Variants in ATP9A observed in about 807,000 individuals in gnomAD.
ATP9A encodes the protein ATPase phospholipid transporting 9A.
A neutral mutation model predicts 144.1 loss-of-function variants in ATP9A; 52 were observed. The observed-to-expected ratio is 0.36, with a 90% CI of 0.29 to 0.45. The LOEUF (loss-of-function observed/expected upper bound fraction) is 0.45. Ranked by LOEUF, ATP9A falls within the 20% of genes least tolerant of loss-of-function variation. The probability of loss-of-function intolerance (pLI) is 1.00; values close to 1 mark genes in which losing one functional copy is unlikely to be tolerated. For missense variants in ATP9A, 947 were observed against 1,392.7 expected (o/e 0.68, Z 5.09); for synonymous variants, 582 against 557.4 (o/e 1.04, Z -0.62).
chr20:51,602,334 C>T (rs56707658), intron 27 of ATP9A, among the ~76,000 whole-genome samples: 2,650 of 152,306 alleles, frequency 0.017, 80 homozygotes, highest in African/African-American at 0.061. Context: ...GCCACTGAGG[C>T]AGCACCTACT....
intron 14 of ATP9A, among the ~76,000 whole-genome samples, chr20:51,645,934 T>C (rs2077340607): frequency 1.3e-5 from 2 of 152,128 alleles, no homozygotes; most frequent in South Asian, 4.1e-4. Flanking sequence ...ACAGCCTGAG[T>C]TAGGGTCTCA....
chr20:51,660,583 T>G (rs530594918), intron 13 of ATP9A, among the ~76,000 whole-genome samples: 87 of 152,354 alleles, frequency 5.7e-4, no homozygotes, highest in African/African-American at 2.0e-3. Flanking sequence ...CCACCTTTCC[T>G]ACTAAAATGT....
chr20:51,669,576 A>G (rs1467437170), intron 13 of ATP9A, among the ~76,000 whole-genome samples: 2 of 152,198 alleles, frequency 1.3e-5, no homozygotes, highest in African/African-American at 4.8e-5. Context: ...CGTGGTCGTA[A>G]ACTTGAAGTA....
intron 1 of ATP9A, among the ~76,000 whole-genome samples, chr20:51,732,019 C>T (rs543950176): frequency 5.9e-5 from 9 of 152,184 alleles, no homozygotes; most frequent in Admixed American, 2.0e-4. Flanking sequence ...CACCAGCTGT[C>T]GGCAGAACGA....
chr20:51,728,480 T>C (rs2122871982), intron 2 of ATP9A, among the ~76,000 whole-genome samples: 1 of 151,930 alleles, frequency 6.6e-6, no homozygotes, highest in East Asian at 1.9e-4. Context: ...TACAAAAAAT[T>C]AGCCGGGCGT....
At chr20:51,657,273 A>AT (rs1707022617) in intron 13 of ATP9A, 123 bp from the exon 14 acceptor site, 1 of 691,956 alleles carries the variant, frequency 1.4e-6, no homozygotes, top group South Asian at 2.1e-5. Flanking sequence ...ACCCTTAGAT[A>AT]TATCTACAAT....
intron 11 of ATP9A, among the ~76,000 whole-genome samples, chr20:51,673,677 T>C (rs1405782176): frequency 1.3e-5 from 2 of 152,136 alleles, no homozygotes; most frequent in African/African-American, 4.8e-5. Flanking sequence ...AGGAATGTGA[T>C]CTTCTGGTGC....
intron 4 of ATP9A, among the ~76,000 whole-genome samples, chr20:51,708,369 C>T (rs1036219273): frequency 2.6e-5 from 4 of 151,560 alleles, no homozygotes; most frequent in African/African-American, 9.7e-5. Flanking sequence ...AAAGCAACAA[C>T]AATAAAAAAA....
At chr20:51,683,502 TC>T (rs2077509474) in intron 9 of ATP9A, among the ~76,000 whole-genome samples, 1 of 152,102 alleles carries the variant, frequency 6.6e-6, no homozygotes, top group African/African-American at 2.4e-5. Context: ...CAGGATGGTC[TC>T]GATCTCCTGA....
chr20:51,731,706 G>A (rs1386788652), intron 1 of ATP9A, among the ~76,000 whole-genome samples: 3 of 149,832 alleles, frequency 2.0e-5, no homozygotes, highest in Admixed American at 6.6e-5. Context: ...GTGACAGAGG[G>A]AGACTCCATC....
rs1159886616 is a variant in ATP9A at position 51,613,670 on chromosome 20, C to T, written c.2571+7G>A. On this transcript the variant is annotated splice_region_variant and intron_variant, in intron 23 of 27. Transcript: ENST00000338821. ...CACATGTGCAGAGGGGCCAGCTGTC[C>T]ACTCACCTGCATGGTGCTGATACAG... is the stretch of plus-strand genomic sequence containing the variant. The T allele has an allele frequency of 1.2e-6, 2 of 1,611,568 alleles. No homozygotes were observed. Among genetic ancestry groups the T allele is most frequent in the Non-Finnish European group, 1.7e-6 (2 of 1,178,600 alleles).
In ATP9A at chr20:51,601,223, C is replaced by T. The variant is rs374214355; in HGVS notation, c.3132G>A (p.Lys1044=). ...GCGAACGCACGGCCTATGATGTGAG[C>T]TTTGAGTAGCTGGGGGGAGAGAACC... ...RRRFSPPSYS[K]LTS Residue 1044 remains lysine (K), a synonymous_variant, in exon 28 of 28, where the codon AAG becomes AAA. Coordinates refer to ENST00000338821, the MANE Select transcript of ATP9A (RefSeq NM_006045.3). 6.2e-7 allele frequency: 1 copy of T among 1,612,584 alleles called. No individual in the cohort carries two copies. Among genetic ancestry groups the T allele is most frequent in the Non-Finnish European group, 8.5e-7 (1 of 1,179,210 alleles).
chr20:51,608,415 G>T, intron 25 of ATP9A, 103 bp downstream of exon 25: 1 of 788,910 alleles, frequency 1.3e-6, no homozygotes, highest in Non-Finnish European at 2.2e-6. Context: ...AGAATTGGAG[G>T]GTCTGTGTGA....
chr20:51,676,917 CTTTTTTTTTTTTTTT>C (rs34062000), intron 9 of ATP9A, among the ~76,000 whole-genome samples: 2 of 68,390 alleles, frequency 2.9e-5, no homozygotes, highest in East Asian at 5.8e-4. Context: ...CGCCCAGTCT[CTTTTTTTTTTTTTTT>C]TTTTTTTTTT....
chr20:51,685,036 A>T (rs112817982), intron 9 of ATP9A, among the ~76,000 whole-genome samples: 54,767 of 150,316 alleles, frequency 0.36, 10,976 homozygotes, highest in African/African-American at 0.48. Context: ...AAAAAAAAAA[A>T]AAAATACAAA....
intron 13 of ATP9A, among the ~76,000 whole-genome samples, chr20:51,658,888 C>CGGTGGGGGGG (rs746874247): frequency 3.6e-5 from 2 of 54,846 alleles, no homozygotes; most frequent in Non-Finnish European, 3.3e-5. Flanking sequence ...AGACCACTGG[C>CGGTGGGGGGG]GGGGGGGGGG....
intron 19 of ATP9A, 22 bp from the exon 20 acceptor site, chr20:51,619,065 G>A (rs369152211): frequency 6.2e-7 from 1 of 1,600,032 alleles, no homozygotes; most frequent in Non-Finnish European, 8.6e-7. Context: ...CAGAGATGGG[G>A]AAGGAGGCAT....
chr20:51,752,657 G>A (rs928203673), intron 1 of ATP9A, among the ~76,000 whole-genome samples: 10 of 152,104 alleles, frequency 6.6e-5, no homozygotes, highest in Non-Finnish European at 1.5e-5. Flanking sequence ...GTTTTCTGTG[G>A]TATCACACAC....
At chr20:51,754,192 C>T (rs751648029) in intron 1 of ATP9A, among the ~76,000 whole-genome samples, 1 of 152,060 alleles carries the variant, frequency 6.6e-6, no homozygotes, top group Non-Finnish European at 1.5e-5. Flanking sequence ...GTCTAAAACT[C>T]AATCTCAGAT....
Sources: gnomAD v4.1 joint callset for allele counts (sites outside exome capture counted in the v4.1 genomes callset) on GRCh38, gnomAD v4.1.1 for gene constraint, MANE v1.5 for transcripts, NCBI Gene and HGNC (gene_info 2026-07-23, HGNC 2026-07-21) for gene names.